The following IGF2BP2 variants were observed in gnomAD, a reference collection of about 807,000 sequenced individuals.
IGF2BP2 encodes the protein insulin-like growth factor 2 mRNA-binding protein 2.
IGF2BP2 carries 17 observed loss-of-function variants against 75.8 expected under a neutral mutation model. The observed-to-expected ratio is 0.22, with a 90% CI of 0.15 to 0.34. The LOEUF (loss-of-function observed/expected upper bound fraction) is 0.34. Among genes scored for constraint, IGF2BP2 ranks in the 10% least tolerant of loss-of-function variants. The pLI is 1.00. For missense variants in IGF2BP2, 516 were observed against 772.4 expected (o/e 0.67, Z 3.93); for synonymous variants, 288 against 295.6 (o/e 0.97, Z 0.26).
At chr3:185,709,573 A>C (rs1724513142) in intron 2 of IGF2BP2, among the ~76,000 whole-genome samples, 1 of 152,264 alleles carries the variant, frequency 6.6e-6, no homozygotes, top group Non-Finnish European at 1.5e-5. Context: ...TTAAAGTGAC[A>C]GCAGTTTACT....
intron 7 of IGF2BP2, among the ~76,000 whole-genome samples, chr3:185,682,017 A>G (rs1466621914): frequency 6.6e-6 from 1 of 152,272 alleles, no homozygotes; most frequent in East Asian, 1.9e-4. Flanking sequence ...TGGTTTCACC[A>G]TGATACCAAA....
At chr3:185,752,071 C>T (rs541310772) in intron 2 of IGF2BP2, among the ~76,000 whole-genome samples, 1 of 152,288 alleles carries the variant, frequency 6.6e-6, no homozygotes, top group Admixed American at 6.5e-5. Flanking sequence ...ATCTTCTTCA[C>T]TTAGTATATT....
intron 10 of IGF2BP2, among the ~76,000 whole-genome samples, chr3:185,658,719 T>C (rs1390718216): frequency 1.3e-5 from 2 of 152,102 alleles, no homozygotes; most frequent in African/African-American, 4.8e-5. Context: ...CATACACACA[T>C]ACACCCACTG....
At chr3:185,677,004 A>AGATACATATATATG in intron 7 of IGF2BP2, among the ~76,000 whole-genome samples, 1 of 131,604 alleles carries the variant, frequency 7.6e-6, no homozygotes, top group African/African-American at 2.9e-5. Flanking sequence ...ATATATATGG[A>AGATACATATATATG]GAGATTATAT....
chr3:185,816,386 A>T (rs916638240), intron 2 of IGF2BP2, among the ~76,000 whole-genome samples: 2 of 152,098 alleles, frequency 1.3e-5, no homozygotes, highest in African/African-American at 2.4e-5. Flanking sequence ...ATTTCTAACT[A>T]TTTTTTTCTA....
At chr3:185,718,022 T>A in intron 2 of IGF2BP2, 1 of 152,368 alleles carries the variant, frequency 6.6e-6, no homozygotes, top group Non-Finnish European at 1.5e-5. Context: ...ACATCAAATA[T>A]TCAGGCTGGC....
rs183642038 is a variant in IGF2BP2, at chr3:185,786,766, C to T, written c.239+36387G>A. ...CCCTCTTAAGATACGTGGAAACCTA[C>T]ATATACATTTTTTTTCATCAAAATC... On this transcript the variant is annotated intron_variant, in intron 2 of 15. Coordinates refer to ENST00000382199, the MANE Select transcript of IGF2BP2 (RefSeq NM_006548.6). 7.2e-4 allele frequency among the ~76,000 whole-genome samples: 109 copies of T among 152,220 alleles called. 1 individual carries two copies. The highest frequency in any genetic ancestry group is 1.5e-3 in the Admixed American group (23 of 15,276).
intron 2 of IGF2BP2, among the ~76,000 whole-genome samples, chr3:185,733,990 G>A (rs1010062461): frequency 6.6e-6 from 1 of 151,914 alleles, no homozygotes; most frequent in Admixed American, 6.6e-5. Flanking sequence ...TCATTACTGG[G>A]AAAGTATTTC....
At chr3:185,708,462 C>T (rs1724359330) in intron 2 of IGF2BP2, among the ~76,000 whole-genome samples, 1 of 152,132 alleles carries the variant, frequency 6.6e-6, no homozygotes, top group South Asian at 2.1e-4. Flanking sequence ...TGATAGCTCA[C>T]TCTTTGCTCC....
chr3:185,820,216 G>A (rs183007001), intron 2 of IGF2BP2, among the ~76,000 whole-genome samples: 1 of 131,754 alleles, frequency 7.6e-6, no homozygotes, highest in African/African-American at 3.4e-5. Context: ...GTGTGTGTGT[G>A]TATGTGTATA....
chr3:185,823,182 T>C lies in IGF2BP2; in HGVS notation c.210A>G (p.Glu70=). The part of the protein sequence containing the change: ...GKVELHGKIM[E]VDYSVSKKLR... ...GCTTTTTAGAGACTGAGTAATCAAC[T>C]TCCATGATTTTCCCATGCAATTCCA... Residue 70 remains glutamate (E), a synonymous_variant, in exon 2 of 16, where the codon GAA becomes GAG. Coordinates refer to ENST00000382199, the MANE Select transcript of IGF2BP2 (RefSeq NM_006548.6). 1 of 1,609,302 alleles carries C rather than the reference T, an allele frequency of 6.2e-7. No homozygotes were observed. Among genetic ancestry groups the C allele is most frequent in the Non-Finnish European group, 8.5e-7 (1 of 1,177,782 alleles).
chr3:185,756,977 T>C (rs1221571735), intron 2 of IGF2BP2, among the ~76,000 whole-genome samples: 1 of 152,038 alleles, frequency 6.6e-6, no homozygotes, highest in Non-Finnish European at 1.5e-5. Flanking sequence ...TCTAAATAAA[T>C]AAATAAAAGA....
chr3:185,745,729 C>A (rs906535249), intron 2 of IGF2BP2, among the ~76,000 whole-genome samples: 1 of 152,210 alleles, frequency 6.6e-6, no homozygotes, highest in Non-Finnish European at 1.5e-5. Context: ...GCAATGAGCG[C>A]CTGCAGTAGC....
intron 12 of IGF2BP2, among the ~76,000 whole-genome samples, chr3:185,654,944 G>A (rs574591237): frequency 6.6e-6 from 1 of 152,320 alleles, no homozygotes; most frequent in African/African-American, 2.4e-5. Flanking sequence ...CCATGGATGA[G>A]TGTGAGGCTC....
intron 2 of IGF2BP2, among the ~76,000 whole-genome samples, chr3:185,749,008 AC>A (rs1453578489): frequency 2.0e-5 from 3 of 152,104 alleles, no homozygotes; most frequent in African/African-American, 7.2e-5. Context: ...TACTAAAAAT[AC>A]AAAAATTAGC....
chr3:185,662,638 G>A lies in IGF2BP2; in HGVS notation c.1201-4229C>T, dbSNP rs554613472. ...GGCCCACTGCAAACTCTGCCTCTGGGTTCAAGTGATTCTTCTGCCTCAGCC... is the reference window on the plus strand; with the variant it reads ...GGCCCACTGCAAACTCTGCCTCTGGATTCAAGTGATTCTTCTGCCTCAGCC... On this transcript the variant is annotated intron_variant, in intron 10 of 15. Transcript: ENST00000382199. Among the ~76,000 whole-genome samples, 10 of 150,494 alleles carry A rather than the reference G, an allele frequency of 6.6e-5. 2 individuals are homozygous for A. The South Asian group carries it at 2.1e-3, about 32-fold the overall frequency.
chr3:185,687,696 TC>T (rs2149309511), intron 6 of IGF2BP2, among the ~76,000 whole-genome samples: 1 of 152,384 alleles, frequency 6.6e-6, no homozygotes, highest in South Asian at 2.1e-4. Context: ...GTTTTTGGTT[TC>T]CTTTCCATTG....
chr3:185,753,891 A>C (rs1448084497), intron 2 of IGF2BP2, among the ~76,000 whole-genome samples: 1 of 152,094 alleles, frequency 6.6e-6, no homozygotes, highest in African/African-American at 2.4e-5. Flanking sequence ...CAGTTAGTGC[A>C]TGCAAGATCT....
At chr3:185,722,008 GTTT>G (rs1167001282) in intron 2 of IGF2BP2, 1 of 238,640 alleles carries the variant, frequency 4.2e-6, no homozygotes, top group South Asian at 3.8e-5. Flanking sequence ...GCAAGTACTT[GTTT>G]TTTTTTTTAA....
Sources: allele counts gnomAD v4.1 joint callset (sites outside exome capture counted in the v4.1 genomes callset), GRCh38; gene constraint gnomAD v4.1.1; transcripts MANE v1.5; gene names NCBI Gene and HGNC (gene_info 2026-07-23, HGNC 2026-07-21).